ANKRD12: variants seen among roughly 807,000 people sequenced by gnomAD.
ANKRD12 encodes the protein ankyrin repeat domain-containing protein 12.
Under a neutral mutation model 183.4 loss-of-function variants are expected in ANKRD12, and 85 were observed. The ratio of observed to expected loss-of-function variants is 0.46; its 90% CI spans 0.39 to 0.56. The LOEUF (loss-of-function observed/expected upper bound fraction) is 0.56. ANKRD12 is among the 20% of genes least tolerant of loss of function. ANKRD12 has a pLI of 0.00. For synonymous variants in ANKRD12, 914 were observed against 800.2 expected (o/e 1.14, Z -2.40); for missense variants, 2,405 against 2,357.1 (o/e 1.02, Z -0.42).
chr18:9,229,767 A>G (rs1420395412), intron 8 of ANKRD12, among the ~76,000 whole-genome samples: 1 of 152,108 alleles, frequency 6.6e-6, no homozygotes, highest in Non-Finnish European at 1.5e-5. Flanking sequence ...GTGATGTATG[A>G]CGTTTATTGA....
At chr18:9,146,110 G>T (rs1448417005) in intron 1 of ANKRD12, among the ~76,000 whole-genome samples, 2 of 152,182 alleles carry the variant, frequency 1.3e-5, no homozygotes, top group African/African-American at 4.8e-5. Context: ...AGAACTCTTA[G>T]ATTCTTAGAG....
intron 1 of ANKRD12, among the ~76,000 whole-genome samples, chr18:9,180,253 T>C (rs1390192173): frequency 6.6e-6 from 1 of 152,180 alleles, no homozygotes; most frequent in African/African-American, 2.4e-5. Context: ...TCGATGTTGT[T>C]AATATAGCCA....
intron 2 of ANKRD12, among the ~76,000 whole-genome samples, chr18:9,187,610 CATTAAAT>C (rs1298595511): frequency 6.6e-6 from 1 of 152,162 alleles, no homozygotes. Context: ...AAAGTCCTCT[CATTAAAT>C]ATTAAAATAG....
rs2034738290 is a variant in ANKRD12, at chr18:9,195,604, T to C, written c.141T>C (p.Asp47=). 3 of 1,612,068 alleles carry C rather than the reference T, an allele frequency of 1.9e-6. No individual in the cohort carries two copies. Among genetic ancestry groups the C allele is most frequent in the Non-Finnish European group, 2.5e-6 (3 of 1,179,198 alleles). Residue 47 remains aspartate (D), a synonymous_variant, in exon 3 of 13, where the codon GAT becomes GAC. Coordinates refer to ENST00000262126, the MANE Select transcript of ANKRD12 (RefSeq NM_015208.5). ...AAACTCCAAAAATTGAACGAAGTGATGTGAGCAAGGAGATGAAAGAGAAAT... is the reference window on the plus strand; with the variant it reads ...AAACTCCAAAAATTGAACGAAGTGACGTGAGCAAGGAGATGAAAGAGAAAT... The part of the protein sequence containing the change: ...YSKTPKIERS[D]VSKEMKEKSS...
At chr18:9,186,872 C>T (rs2144261843) in intron 2 of ANKRD12, among the ~76,000 whole-genome samples, 1 of 151,842 alleles carries the variant, frequency 6.6e-6, no homozygotes, top group South Asian at 2.1e-4. Flanking sequence ...CTGCCTCAGC[C>T]TCCCGAGTAG....
At chr18:9,269,672 A>G (rs2039491985) in intron 10 of ANKRD12, among the ~76,000 whole-genome samples, 1 of 152,240 alleles carries the variant, frequency 6.6e-6, no homozygotes, top group African/African-American at 2.4e-5. Context: ...ACACCCTAGA[A>G]GAAAACCTAG....
At chr18:9,267,062 GCTAA>G (rs1218179414) in intron 10 of ANKRD12, among the ~76,000 whole-genome samples, 5 of 152,188 alleles carry the variant, frequency 3.3e-5, no homozygotes, top group Non-Finnish European at 7.4e-5. Context: ...AACAAGAAGA[GCTAA>G]CTATCCTAAA....
intron 8 of ANKRD12, among the ~76,000 whole-genome samples, chr18:9,228,108 CATCCATGTTGCTGCAAATGAA>C (rs1478084821): frequency 7.0e-4 from 107 of 152,218 alleles, no homozygotes; most frequent in Non-Finnish European, 1.1e-3. Context: ...CTGCAAATGA[CATCCATGTTGCTGCAAATGAA>C]ATCCATGTTG....
intron 6 of ANKRD12, among the ~76,000 whole-genome samples, chr18:9,213,924 T>C (rs907300193): frequency 6.6e-6 from 1 of 152,000 alleles, no homozygotes; most frequent in Non-Finnish European, 1.5e-5. Context: ...AAAATTCTTT[T>C]TCATAGTTTA....
intron 1 of ANKRD12, among the ~76,000 whole-genome samples, chr18:9,142,530 C>G (rs2078354491): frequency 6.6e-6 from 1 of 152,138 alleles, no homozygotes; most frequent in Non-Finnish European, 1.5e-5. Context: ...TTCTGTTTAC[C>G]CGTTCTGAAA....
rs553057061 is a variant in ANKRD12 at position 9,156,806 on chromosome 18, G to GA, written c.-52+19849dup. On this transcript the variant is annotated intron_variant, in intron 1 of 12. Transcript: ENST00000262126. ...AAGTATTGGCTGTGTAGAGAGCATT[G>GA]AAAAAAAATTGTGACACATGCTACA... 2.2e-3 allele frequency among the ~76,000 whole-genome samples: 339 copies of GA among 152,012 alleles called. 2 individuals carry two copies. In the Middle Eastern group the frequency reaches 0.024, roughly 11 times the overall value.
intron 9 of ANKRD12, among the ~76,000 whole-genome samples, chr18:9,263,564 A>G (rs2039109406): frequency 6.6e-6 from 1 of 152,054 alleles, no homozygotes; most frequent in Non-Finnish European, 1.5e-5. Flanking sequence ...AGTCCTTCTA[A>G]TTTGCTCTTT....
Position 9,193,640 on chromosome 18 carries a change from C to T in ANKRD12, c.88-1911C>T, listed in dbSNP as rs114980156. Among the ~76,000 whole-genome samples, 1,160 of 152,160 alleles carry T rather than the reference C, an allele frequency of 7.6e-3. 22 individuals are homozygous for T. Among genetic ancestry groups the T allele is most frequent in the African/African-American group, 0.026 (1,097 of 41,514 alleles). On this transcript the variant is annotated intron_variant, in intron 2 of 12. Transcript: ENST00000262126. ...TTTATTGCTACTTTAAAAAAAATGA[C>T]ATTAATTTGTTATGCCCCTTTTTCC...
chr18:9,178,523 G>T (rs2033466286), intron 1 of ANKRD12, among the ~76,000 whole-genome samples: 1 of 152,004 alleles, frequency 6.6e-6, no homozygotes, highest in Non-Finnish European at 1.5e-5. Context: ...CTTTACATTA[G>T]TAAACACTGT....
chr18:9,262,955 C>T (rs2039066900), intron 9 of ANKRD12, among the ~76,000 whole-genome samples: 2 of 152,054 alleles, frequency 1.3e-5, no homozygotes, highest in South Asian at 4.2e-4. Flanking sequence ...TGTGCCACCA[C>T]ACCTGGCTAA....
At chr18:9,161,542 A>T (rs2031420516) in intron 1 of ANKRD12, among the ~76,000 whole-genome samples, 4 of 151,312 alleles carry the variant, frequency 2.6e-5, no homozygotes, top group African/African-American at 9.7e-5. Context: ...CGCCTGGCTA[A>T]TTTTTTGTAT....
chr18:9,237,782 C>G (rs1371742508), intron 8 of ANKRD12, among the ~76,000 whole-genome samples: 1 of 152,078 alleles, frequency 6.6e-6, no homozygotes, highest in Non-Finnish European at 1.5e-5. Flanking sequence ...GGAGACGTGT[C>G]TTAGGTAGCT....
At chr18:9,250,459 C>CTG (rs1306770215) in intron 8 of ANKRD12, among the ~76,000 whole-genome samples, 1 of 152,074 alleles carries the variant, frequency 6.6e-6, no homozygotes, top group Non-Finnish European at 1.5e-5. Context: ...TGGCTCACAC[C>CTG]TGTATTCCCA....
Position 9,211,683 on chromosome 18 carries a change from G to A in ANKRD12, c.551G>A (p.Arg184His), listed in dbSNP as rs1225223383. The A allele has an allele frequency of 5.0e-6, 8 of 1,613,570 alleles. No homozygotes were observed. The East Asian group carries it at 6.7e-5, about 13-fold the overall frequency. ...QKDKVNKRNE[R>H]GETPLHMAAI... ...GATAAAGTTAATAAAAGAAATGAAC[G>A]TGGTGAAACTCCTTTACACATGGCT... Residue 184 changes from arginine to histidine, a missense_variant, in exon 6 of 13, where the codon CGT becomes CAT. By Grantham distance (29) the Arg-to-His change is conservative. This residue lies in a region of ANKRD12 where 39 missense variants were observed against 104.8 expected (regional missense o/e 0.37). Coordinates refer to ENST00000262126, the MANE Select transcript of ANKRD12 (RefSeq NM_015208.5).
Sources: allele counts gnomAD v4.1 joint callset (sites outside exome capture counted in the v4.1 genomes callset), GRCh38; gene constraint gnomAD v4.1.1; regional missense constraint gnomAD v4.1.1; transcripts MANE v1.5; gene names NCBI Gene and HGNC (gene_info 2026-07-23, HGNC 2026-07-21).